Variants in UBR4 observed in about 807,000 individuals in gnomAD.
UBR4 encodes the protein ubiquitin protein ligase E3 component n-recognin 4, also known as E3 ubiquitin-protein ligase UBR4.
Under a neutral mutation model 575.6 loss-of-function variants are expected in UBR4, and 124 were observed. The observed-to-expected ratio is 0.22, with a 90% CI of 0.19 to 0.25. The LOEUF (loss-of-function observed/expected upper bound fraction) is 0.25, where lower values mean the gene tolerates loss of function less well. Among genes scored for constraint, UBR4 ranks in the 10% least tolerant of loss-of-function variants. UBR4 has a pLI of 1.00. For missense variants in UBR4, 4,818 were observed against 6,478.8 expected, an observed-to-expected ratio of 0.74 and a Z score of 8.80; for synonymous variants, 2,455 against 2,473.7, an observed-to-expected ratio of 0.99 and a Z score of 0.22.
rs187119105 is a variant in UBR4, at chr1:19,096,761, G to T, written c.13391-111C>A. ...GGCTGATGGCTGACAGCCCTTTTCC[G>T]TATCTCCAATAAAGACACGGCCAAT... is the stretch of plus-strand genomic sequence containing the variant. On this transcript the variant is annotated intron_variant, in intron 91 of 105. Coordinates refer to ENST00000375254, the MANE Select transcript of UBR4 (RefSeq NM_020765.3). The T allele has an allele frequency of 2.0e-4, 291 of 1,457,498 alleles. 2 individuals carry two copies. In the African/African-American group the frequency reaches 3.6e-3, roughly 18 times the overall value. The allele number at this position is 1,457,498 out of a possible 1,614,324, so 90.3% of individuals were successfully genotyped here. A position where few individuals can be genotyped will look rare whatever the true frequency, so the allele number is the denominator to read the frequency against.
Position 19,141,549 on chromosome 1 carries a change from G to C in UBR4, c.8311-25C>G, listed in dbSNP as rs773312640. 6.3e-6 allele frequency: 10 copies of C among 1,598,204 alleles called. No individual in the cohort carries two copies. The Admixed American group carries it at 1.7e-4, about 27-fold the overall frequency. On this transcript the variant is annotated intron_variant, in intron 56 of 105. Coordinates refer to ENST00000375254, the MANE Select transcript of UBR4 (RefSeq NM_020765.3). ...ACTGCAGAGAGAAAGCTCTGTCAGTGTCCCATGGTAAGTGGTAACTTTTGG... is the reference window on the plus strand; with the variant it reads ...ACTGCAGAGAGAAAGCTCTGTCAGTCTCCCATGGTAAGTGGTAACTTTTGG...
intron 11 of UBR4, 98 bp from the exon 12 acceptor site, chr1:19,187,638 C>T: frequency 1.8e-6 from 2 of 1,140,000 alleles, no homozygotes; most frequent in Non-Finnish European, 2.5e-6. Flanking sequence ...TTTCAGACCC[C>T]TTTCAGACTC....
At position 19,112,641 on chromosome 1, in the gene UBR4, G is replaced by T; in HGVS notation, c.11684C>A (p.Ala3895Asp). The change falls in exon 78 of 106, where the codon GCC becomes GAC. Residue 3895 changes from alanine to aspartate, a missense_variant. Around this residue, in one of 29 missense-constraint regions of UBR4, gnomAD observed 333 missense variants for 459.2 expected, o/e 0.73. Transcript: ENST00000375254. Reference sequence around the variant, plus strand: ...CTGGGAGACAAGGATGTGCCTCAAGGCTGGGTTGGTGGCCAGGGCCCGAAG... The same window carrying T: ...CTGGGAGACAAGGATGTGCCTCAAGTCTGGGTTGGTGGCCAGGGCCCGAAG... ...TLLRALATNP[A>D]LRHILVSQGL... 1 of 1,614,282 alleles carries T rather than the reference G, an allele frequency of 6.2e-7. No homozygotes were observed. Among genetic ancestry groups the T allele is most frequent in the Non-Finnish European group, 8.5e-7 (1 of 1,180,048 alleles).
chr1:19,210,219 C>A lies in UBR4; in HGVS notation c.30G>T (p.Ala10=). The change falls in exon 1 of 106, where the codon GCG becomes GCT. Residue 10 remains alanine, a synonymous_variant. Transcript: ENST00000375254. ...GGGTCCCCGGCGCCGGAGCCGCTGC[C>A]GCCGCCTCTTCGCCGCCGCTCGTCG... The part of the protein sequence containing the change: MATSGGEEA[A]AAAPAPGTPA... 1.4e-6 allele frequency: 2 copies of A among 1,441,494 alleles called. No individual in the cohort carries two copies. The highest frequency in any genetic ancestry group is 1.4e-5 in the South Asian group (1 of 69,460). 89.3% of individuals were successfully genotyped at this position (1,441,494 alleles called of 1,614,324 possible).
In UBR4 at chr1:19,164,405, G is replaced by A. The variant is rs757829863; in HGVS notation, c.4548C>T (p.Gly1516=). Residue 1516 remains glycine (G), a synonymous_variant, in exon 33 of 106, where the codon GGC becomes GGT. Coordinates refer to ENST00000375254, the MANE Select transcript of UBR4 (RefSeq NM_020765.3). The part of the protein sequence containing the change: ...VGEGVCAVLL[G]TLTPMATEML... ...TCTCTGTTGCCATGGGAGTCAGGGT[G>A]CCCAGAAGAACAGCACACACACCTT... 6.2e-7 allele frequency: 1 copy of A among 1,614,154 alleles called. No individual in the cohort carries two copies. The highest frequency in any genetic ancestry group is 1.1e-5 in the South Asian group (1 of 91,076).
At chr1:19,101,758 T>G in intron 87 of UBR4, 117 bp from the exon 88 acceptor site, 3 of 1,458,624 alleles carry the variant, frequency 2.1e-6, no homozygotes, top group Non-Finnish European at 2.8e-6. Flanking sequence ...AGTCTTTAAA[T>G]GCCCTACATG....
intron 102 of UBR4, among the ~76,000 whole-genome samples, chr1:19,084,058 T>A (rs2076772611): frequency 6.6e-6 from 1 of 152,234 alleles, no homozygotes; most frequent in African/African-American, 2.4e-5. Flanking sequence ...CTCTGCTGCA[T>A]CCCCTTGATG....
At chr1:19,101,760 C>G in intron 87 of UBR4, 119 bp from the exon 88 acceptor site, 1 of 1,436,168 alleles carries the variant, frequency 7.0e-7, no homozygotes, top group Non-Finnish European at 9.4e-7. Context: ...TCTTTAAATG[C>G]CCTACATGGC....
chr1:19,163,344 C>A (rs958904877), intron 34 of UBR4, among the ~76,000 whole-genome samples: 1 of 152,202 alleles, frequency 6.6e-6, no homozygotes, highest in Non-Finnish European at 1.5e-5. Flanking sequence ...GCTTTTCTTA[C>A]CAGAGTAACC....
Position 19,097,278 on chromosome 1 carries a change from T to C in UBR4, c.13305A>G (p.Gly4435=). ...YKKVWCTTNE[G]EPMRIVYRMR... ...TACGATAAACAATCCTCATGGGCTCTCCCTGAGCAGAGAAAGTTGGAGAAA... is the reference window on the plus strand; with the variant it reads ...TACGATAAACAATCCTCATGGGCTCCCCCTGAGCAGAGAAAGTTGGAGAAA... Residue 4435 remains glycine, a splice_region_variant and synonymous_variant, in exon 91 of 106, where the codon GGA becomes GGG. Transcript: ENST00000375254. The C allele has an allele frequency of 6.2e-7, 1 of 1,612,708 alleles. No individual in the cohort carries two copies. Among genetic ancestry groups the C allele is most frequent in the Non-Finnish European group, 8.5e-7 (1 of 1,179,438 alleles).
At chr1:19,119,255 G>A (rs1256132978) in intron 70 of UBR4, among the ~76,000 whole-genome samples, 1 of 152,214 alleles carries the variant, frequency 6.6e-6, no homozygotes, top group Admixed American at 6.5e-5. Flanking sequence ...TTTCTGGTAT[G>A]TATAATCAGG....
intron 1 of UBR4, 79 bp downstream of exon 1, chr1:19,209,994 G>C: frequency 7.1e-7 from 1 of 1,409,206 alleles, no homozygotes; most frequent in South Asian, 1.5e-5. Flanking sequence ...GGGGCGGCCC[G>C]GAAAGCGGGT....
In UBR4 at chr1:19,093,842, A is replaced by T. The variant is rs1327888425; in HGVS notation, c.13937+107T>A. On this transcript the variant is annotated intron_variant, in intron 95 of 105. Transcript: ENST00000375254. The surrounding 1 kb of genome is among the most constrained non-coding windows in gnomAD (Gnocchi z 4.8). ...GAGCTCCTTAAAAGCCAGAACGAGGACACAAAAATCTAATAGGTATTCAGA... is the reference window on the plus strand; with the variant it reads ...GAGCTCCTTAAAAGCCAGAACGAGGTCACAAAAATCTAATAGGTATTCAGA... 7.7e-7 allele frequency: 1 copy of T among 1,295,782 alleles called. No individual in the cohort carries two copies. The highest frequency in any genetic ancestry group is 1.5e-5 in the African/African-American group (1 of 66,924). The allele number at this position is 1,295,782 out of a possible 1,614,324, so 80.3% of individuals were successfully genotyped here.
Position 19,198,663 on chromosome 1 carries a change from G to A in UBR4, c.526C>T (p.Leu176=). The A allele has an allele frequency of 3.7e-6, 6 of 1,614,130 alleles. No homozygotes were observed. Among genetic ancestry groups the A allele is most frequent in the Non-Finnish European group, 5.1e-6 (6 of 1,180,038 alleles). ...TLSDVEDQKE[L]ASPVSPELRQ... ...AACTCAGGGCTTACTGGTGAGGCCAGCTCTTTCTGATCTTCCACTGTAAAA... is the reference window on the plus strand; with the variant it reads ...AACTCAGGGCTTACTGGTGAGGCCAACTCTTTCTGATCTTCCACTGTAAAA... The change falls in exon 5 of 106, where the codon CTG becomes TTG. Residue 176 remains leucine, a synonymous_variant. Transcript: ENST00000375254.
chr1:19,173,885 T>A (rs188709668), intron 22 of UBR4, among the ~76,000 whole-genome samples: 1 of 152,202 alleles, frequency 6.6e-6, no homozygotes, highest in African/African-American at 2.4e-5. Flanking sequence ...CAACTTTGGC[T>A]CCCCAATAAT....
At chr1:19,194,530 G>A (rs1359208196) in intron 8 of UBR4, among the ~76,000 whole-genome samples, 8 of 152,214 alleles carry the variant, frequency 5.3e-5, no homozygotes, top group South Asian at 2.1e-4. Flanking sequence ...GGCTGGGCGC[G>A]GTGGCTCACG....
Position 19,150,604 on chromosome 1 carries a change from G to C in UBR4, c.7403C>G (p.Thr2468Ser). 6.2e-7 allele frequency: 1 copy of C among 1,613,626 alleles called. No homozygotes were observed. The highest frequency in any genetic ancestry group is 8.5e-7 in the Non-Finnish European group (1 of 1,180,036). The change falls in exon 49 of 106, where the codon ACT becomes AGT. Residue 2468 changes from threonine to serine, a missense_variant. Coordinates refer to ENST00000375254, the MANE Select transcript of UBR4 (RefSeq NM_020765.3). The stretch of plus-strand genomic sequence containing the variant: ...CTCCAGGACAGTTCCACTGGTCGTA[G>C]TGGGGGCAGCTGAGTCGCTATCTCC... Reference protein sequence around the residue: ...GTGDSDSAAPTTTSGTVLERL... With the variant: ...GTGDSDSAAPSTTSGTVLERL...
At position 19,156,394 on chromosome 1, in the gene UBR4, T is replaced by C. The variant is rs1012546269; in HGVS notation, c.5949A>G (p.Ser1983=). ...AAACCAAGTGATCCGAAACAGAGCC[T>C]GAGCTACTAAAGGTGAGCACATGAC... ...KDCHVLTFSS[S]GSVSDHLVLH... is the part of the protein sequence containing the mutation. The change falls in exon 42 of 106, where the codon TCA becomes TCG. Residue 1983 remains serine, a synonymous_variant. Transcript: ENST00000375254. 1.2e-6 allele frequency: 2 copies of C among 1,614,064 alleles called. No homozygotes were observed. Among genetic ancestry groups the C allele is most frequent in the Non-Finnish European group, 1.7e-6 (2 of 1,180,026 alleles).
In UBR4 at chr1:19,173,465, T is replaced by C. The variant is rs2150948693; in HGVS notation, c.3139A>G (p.Ile1047Val). Residue 1047 changes from isoleucine (I) to valine (V), a missense_variant, in exon 23 of 106, where the codon ATC (isoleucine) becomes GTC (valine). This residue lies in a region of UBR4 where 1,172 missense variants were observed against 1,259.7 expected (regional missense o/e 0.93). Coordinates refer to ENST00000375254, the MANE Select transcript of UBR4 (RefSeq NM_020765.3). ...HTLRWSSRLRISSYVNWIKDH... is the reference protein window; with the variant it reads ...HTLRWSSRLRVSSYVNWIKDH... ...TTTATCCAGTTGACATAGGAGCTGA[T>C]CCGGAGCCGAGAAGACCATCGCAGA... 1 of 1,614,132 alleles carries C rather than the reference T, an allele frequency of 6.2e-7. No homozygotes were observed. The highest frequency in any genetic ancestry group is 1.3e-5 in the African/African-American group (1 of 75,056).
Sources: gnomAD v4.1 joint callset for allele counts (sites outside exome capture counted in the v4.1 genomes callset) on GRCh38, gnomAD v4.1.1 for gene constraint, gnomAD v4.1.1 regional missense constraint, Gnocchi (gnomAD v3.1) non-coding constraint, MANE v1.5 for transcripts, NCBI Gene and HGNC (gene_info 2026-07-23, HGNC 2026-07-21) for gene names.